Variants in KCND2 observed in about 807,000 individuals in gnomAD.
KCND2 encodes the protein potassium voltage-gated channel subfamily D member 2.
Under a neutral mutation model 54.4 loss-of-function variants are expected in KCND2, and 16 were observed. The observed-to-expected ratio is 0.29, with a 90% CI of 0.20 to 0.45. The LOEUF (loss-of-function observed/expected upper bound fraction) is 0.45, where lower values mean the gene tolerates loss of function less well. KCND2 is among the 20% of genes least tolerant of loss of function. The pLI, the probability that KCND2 is intolerant of heterozygous loss-of-function variation, is 1.00. For missense variants in KCND2, 486 were observed against 824.2 expected (o/e 0.59, Z 5.02); for synonymous variants, 317 against 310.7 (o/e 1.02, Z -0.21).
intron 1 of KCND2, among the ~76,000 whole-genome samples, chr7:120,525,336 G>T (rs1791759490): frequency 6.6e-6 from 1 of 151,966 alleles, no homozygotes; most frequent in African/African-American, 2.4e-5. Context: ...AGTATACCAG[G>T]GCATGCAACT....
intron 1 of KCND2, among the ~76,000 whole-genome samples, chr7:120,376,195 A>G (rs1041802535): frequency 1.3e-4 from 19 of 151,750 alleles, no homozygotes; most frequent in South Asian, 6.2e-4. Flanking sequence ...GTGACTTTTT[A>G]TCTGTATTCT....
chr7:120,354,331 T>C (rs1337836618), intron 1 of KCND2, among the ~76,000 whole-genome samples: 1 of 152,214 alleles, frequency 6.6e-6, no homozygotes, highest in Non-Finnish European at 1.5e-5. Context: ...AGGCGTTATA[T>C]AATGAAACTT....
intron 1 of KCND2, among the ~76,000 whole-genome samples, chr7:120,681,335 T>C (rs908611024): frequency 2.0e-5 from 3 of 152,028 alleles, no homozygotes; most frequent in South Asian, 2.1e-4. Flanking sequence ...CCCTTCCAGC[T>C]GCAATGCTTA....
intron 1 of KCND2, among the ~76,000 whole-genome samples, chr7:120,562,590 T>G (rs1792248828): frequency 6.6e-6 from 1 of 152,174 alleles, no homozygotes; most frequent in Admixed American, 6.5e-5. Context: ...AATCACATCT[T>G]CATGTTTGTA....
At chr7:120,415,504 T>C (rs369927706) in intron 1 of KCND2, among the ~76,000 whole-genome samples, 3 of 148,122 alleles carry the variant, frequency 2.0e-5, no homozygotes, top group African/African-American at 7.9e-5. Context: ...AACACTGTTT[T>C]ATTTTTTTCT....
chr7:120,381,606 A>G (rs898246609), intron 1 of KCND2, among the ~76,000 whole-genome samples: 3 of 152,138 alleles, frequency 2.0e-5, no homozygotes, highest in Non-Finnish European at 4.4e-5. Flanking sequence ...GTAGAGTAAT[A>G]CATAGAACTG....
At chr7:120,735,810 A>G (rs1370226382) in intron 2 of KCND2, among the ~76,000 whole-genome samples, 1 of 152,126 alleles carries the variant, frequency 6.6e-6, no homozygotes, top group Non-Finnish European at 1.5e-5. Context: ...ATAACCAAGT[A>G]TAATATGTCC....
chr7:120,717,822 C>T lies in KCND2; in HGVS notation c.1116-15081C>T, dbSNP rs1032943350. On this transcript the variant is annotated intron_variant, in intron 1 of 5. Coordinates refer to ENST00000331113, the MANE Select transcript of KCND2 (RefSeq NM_012281.3). The stretch of plus-strand genomic sequence containing the variant: ...AAGTACACTCAATTCCCAAGGAATC[C>T]TACCATCATTTCTATTATTGCAGTT... 9.2e-5 allele frequency among the ~76,000 whole-genome samples: 14 copies of T among 152,064 alleles called. 1 individual carries two copies. Among genetic ancestry groups the T allele is most frequent in the African/African-American group, 3.4e-4 (14 of 41,428 alleles).
intron 1 of KCND2, among the ~76,000 whole-genome samples, chr7:120,646,989 G>T (rs901315265): frequency 6.6e-6 from 1 of 152,048 alleles, no homozygotes; most frequent in Admixed American, 6.6e-5. Context: ...GAGCAATTTC[G>T]CCTAAGCAAT....
chr7:120,720,973 A>G (rs1792658552), intron 1 of KCND2, among the ~76,000 whole-genome samples: 1 of 152,242 alleles, frequency 6.6e-6, no homozygotes. Context: ...GTAAGAAAGT[A>G]TGCATTTAAT....
At chr7:120,643,677 A>G (rs116291443) in intron 1 of KCND2, among the ~76,000 whole-genome samples, 195 of 152,020 alleles carry the variant, frequency 1.3e-3, no homozygotes, top group African/African-American at 4.3e-3. Context: ...ATTTCAGAAA[A>G]TTTATTTTAA....
chr7:120,704,982 T>C (rs79522677), intron 1 of KCND2, among the ~76,000 whole-genome samples: 3,089 of 152,280 alleles, frequency 0.02, 33 homozygotes, highest in African/African-American at 0.03. Flanking sequence ...GTAAACCCTT[T>C]TTAAAAAGAA....
At chr7:120,291,152 A>C (rs1425376215) in intron 1 of KCND2, among the ~76,000 whole-genome samples, 1 of 152,004 alleles carries the variant, frequency 6.6e-6, no homozygotes, top group Non-Finnish European at 1.5e-5. Context: ...GCCCATCATA[A>C]GTGCTCAATA....
chr7:120,382,485 CA>C (rs1800928832), intron 1 of KCND2, among the ~76,000 whole-genome samples: 1 of 151,716 alleles, frequency 6.6e-6, no homozygotes, highest in Non-Finnish European at 1.5e-5. Context: ...TAAATGTAAT[CA>C]TGGTGATTTT....
intron 1 of KCND2, among the ~76,000 whole-genome samples, chr7:120,545,953 G>A (rs1792037447): frequency 6.6e-6 from 1 of 151,704 alleles, no homozygotes; most frequent in African/African-American, 2.4e-5. Flanking sequence ...TCCTAACTCT[G>A]AGCTAATCAC....
chr7:120,457,533 A>C (rs778677536), intron 1 of KCND2, among the ~76,000 whole-genome samples: 5 of 152,170 alleles, frequency 3.3e-5, no homozygotes, highest in Non-Finnish European at 5.9e-5. Context: ...CATTTACTCC[A>C]GTTCTCAATA....
At position 120,595,591 on chromosome 7, in the gene KCND2, G is replaced by GTATATATATATATATATA. The variant is rs58301382; in HGVS notation, c.1116-137307_1116-137290dup. Among the ~76,000 whole-genome samples, 200 of 131,870 alleles carry GTATATATATATATATATA rather than the reference G, an allele frequency of 1.5e-3. 3 individuals are homozygous for GTATATATATATATATATA. The highest frequency in any genetic ancestry group is 4.6e-3 in the African/African-American group (166 of 35,840). The allele number at this position is 131,870 out of a possible 152,430, so 86.5% of individuals were successfully genotyped here. A position where few individuals can be genotyped will look rare whatever the true frequency, so the allele number is the denominator to read the frequency against. ...TGTGTGTATATATATGTGTGTGTGT[G>GTATATATATATATATATA]TATATATATATATATATATATACAC... On this transcript the variant is annotated intron_variant, in intron 1 of 5. Transcript: ENST00000331113.
At chr7:120,352,603 C>T (rs772150054) in intron 1 of KCND2, among the ~76,000 whole-genome samples, 18 of 151,784 alleles carry the variant, frequency 1.2e-4, no homozygotes, top group Non-Finnish European at 2.2e-4. Context: ...TTATACGAGT[C>T]CTTAGAAGAA....
intron 1 of KCND2, among the ~76,000 whole-genome samples, chr7:120,397,155 A>G (rs950588410): frequency 6.6e-6 from 1 of 152,058 alleles, no homozygotes; most frequent in South Asian, 2.1e-4. Context: ...GAAAGAGACT[A>G]TGGACCAGCC....
Sources: gnomAD v4.1 joint callset for allele counts (sites outside exome capture counted in the v4.1 genomes callset) on GRCh38, gnomAD v4.1.1 for gene constraint, MANE v1.5 for transcripts, NCBI Gene and HGNC (gene_info 2026-07-23, HGNC 2026-07-21) for gene names.